FRMD4A: variants seen among roughly 807,000 people sequenced by gnomAD.
FRMD4A encodes FERM domain containing 4A.
FRMD4A carries 29 observed loss-of-function variants against 129.1 expected under a neutral mutation model. The observed-to-expected ratio is 0.22, with a 90% CI of 0.17 to 0.31. The LOEUF (loss-of-function observed/expected upper bound fraction) is 0.31. FRMD4A is among the 10% of genes least tolerant of loss of function. The pLI is 1.00. For synonymous variants in FRMD4A, 634 were observed against 571.6 expected, an observed-to-expected ratio of 1.11 and a Z score of -1.56; for missense variants, 1,272 against 1,375.8, an observed-to-expected ratio of 0.92 and a Z score of 1.19.
intron 2 of FRMD4A, among the ~76,000 whole-genome samples, chr10:14,138,650 C>T (rs1839670238): frequency 6.6e-6 from 1 of 152,008 alleles, no homozygotes; most frequent in African/African-American, 2.4e-5. Flanking sequence ...ATCCCAGCTA[C>T]TCAGGAGGCT....
At chr10:14,162,070 T>G (rs1213362445) in intron 2 of FRMD4A, among the ~76,000 whole-genome samples, 1 of 151,514 alleles carries the variant, frequency 6.6e-6, no homozygotes, top group Non-Finnish European at 1.5e-5. Flanking sequence ...TATATTTTCA[T>G]GTCATCATGT....
chr10:14,151,216 T>A (rs754169481), intron 2 of FRMD4A, among the ~76,000 whole-genome samples: 3 of 152,216 alleles, frequency 2.0e-5, no homozygotes, highest in Non-Finnish European at 2.9e-5. Flanking sequence ...CACTCATATG[T>A]TCATCGCAAC....
intron 12 of FRMD4A, among the ~76,000 whole-genome samples, chr10:13,732,771 C>T (rs1251713466): frequency 6.6e-6 from 1 of 152,218 alleles, no homozygotes; most frequent in Non-Finnish European, 1.5e-5. Flanking sequence ...TCCCAGATGG[C>T]TCACCCAGCC....
chr10:14,231,946 T>C (rs891007537), intron 2 of FRMD4A, among the ~76,000 whole-genome samples: 7 of 152,232 alleles, frequency 4.6e-5, no homozygotes, highest in Non-Finnish European at 8.8e-5. Flanking sequence ...CAGGTCCCAC[T>C]TGTCAATTTT....
At chr10:13,692,449 T>C (rs997510847) in intron 15 of FRMD4A, 26 of 152,188 alleles carry the variant, frequency 1.7e-4, no homozygotes, top group African/African-American at 5.3e-4. Flanking sequence ...CACTGGCCTT[T>C]AGCGGTTCTA....
chr10:13,904,515 C>T (rs2094858382), intron 2 of FRMD4A, among the ~76,000 whole-genome samples: 1 of 152,228 alleles, frequency 6.6e-6, no homozygotes, highest in Non-Finnish European at 1.5e-5. Flanking sequence ...GTCAAGAATT[C>T]TTCAAAGACA....
intron 3 of FRMD4A, among the ~76,000 whole-genome samples, chr10:13,838,030 C>T (rs937341023): frequency 6.6e-6 from 1 of 152,162 alleles, no homozygotes; most frequent in South Asian, 2.1e-4. Flanking sequence ...CTTTTCTTCT[C>T]TAATCATCTC....
intron 2 of FRMD4A, among the ~76,000 whole-genome samples, chr10:14,015,772 T>C (rs61096466): frequency 0.022 from 3,362 of 152,344 alleles, 123 homozygotes; most frequent in African/African-American, 0.077. Context: ...AAGGCAATTC[T>C]CTTATACGGC....
intron 2 of FRMD4A, among the ~76,000 whole-genome samples, chr10:14,018,248 C>A (rs376584790): frequency 6.6e-6 from 1 of 151,206 alleles, no homozygotes; most frequent in African/African-American, 2.4e-5. Context: ...AGATCATAGA[C>A]CATCCTGGCT....
intron 2 of FRMD4A, among the ~76,000 whole-genome samples, chr10:14,295,721 G>A (rs980448892): frequency 1.3e-5 from 2 of 152,196 alleles, no homozygotes; most frequent in African/African-American, 2.4e-5. Context: ...GAGTTTGGGA[G>A]AGGGGGAGTT....
intron 5 of FRMD4A, among the ~76,000 whole-genome samples, chr10:13,786,770 G>T (rs1326783300): frequency 2.0e-5 from 3 of 152,178 alleles, no homozygotes; most frequent in African/African-American, 7.2e-5. Flanking sequence ...AATATTAACA[G>T]AAGCCTCCTG....
At chr10:13,682,250 C>T (rs2084663518) in intron 15 of FRMD4A, among the ~76,000 whole-genome samples, 1 of 152,018 alleles carries the variant, frequency 6.6e-6, no homozygotes, top group Admixed American at 6.6e-5. Flanking sequence ...CTATTCCTAG[C>T]CTTTACTAGG....
chr10:14,050,253 G>A (rs925596299), intron 2 of FRMD4A, among the ~76,000 whole-genome samples: 4 of 152,162 alleles, frequency 2.6e-5, no homozygotes, highest in Non-Finnish European at 4.4e-5. Context: ...GTTTCCCTGT[G>A]CCAGGTGCTG....
At chr10:13,884,144 T>TCACCCACACACACTCACACACACA (rs773933481) in intron 2 of FRMD4A, among the ~76,000 whole-genome samples, 59 of 105,164 alleles carry the variant, frequency 5.6e-4, no homozygotes, top group African/African-American at 1.9e-3. Context: ...TCACACACAC[T>TCACCCACACACACTCACACACACA]CTCACACACT....
At chr10:13,939,480 C>T (rs11258738) in intron 2 of FRMD4A, among the ~76,000 whole-genome samples, 14,571 of 152,242 alleles carry the variant, frequency 0.096, 769 homozygotes, top group Middle Eastern at 0.18. Flanking sequence ...GTAATATAAA[C>T]TTCTGATTGG....
At chr10:14,040,620 A>G (rs1301712404) in intron 2 of FRMD4A, among the ~76,000 whole-genome samples, 3 of 152,210 alleles carry the variant, frequency 2.0e-5, no homozygotes, top group African/African-American at 7.2e-5. Context: ...TGTTTGCTGA[A>G]GGCCATGCAT....
intron 6 of FRMD4A, among the ~76,000 whole-genome samples, chr10:13,774,831 A>C (rs1021304129): frequency 6.6e-6 from 1 of 152,152 alleles, no homozygotes; most frequent in Non-Finnish European, 1.5e-5. Flanking sequence ...GGAAGGAAAC[A>C]TAGAATAATA....
At chr10:14,290,777 A>G (rs190149039) in intron 2 of FRMD4A, among the ~76,000 whole-genome samples, 1 of 152,158 alleles carries the variant, frequency 6.6e-6, no homozygotes, top group East Asian at 1.9e-4. Flanking sequence ...AGGATACTCA[A>G]ACACTTTTAA....
chr10:13,760,595 G>A (rs1353453836), intron 8 of FRMD4A, among the ~76,000 whole-genome samples: 1 of 152,128 alleles, frequency 6.6e-6, no homozygotes, highest in Non-Finnish European at 1.5e-5. Flanking sequence ...GAAAGCAGTT[G>A]AGACCTGAAA....
Sources: allele counts gnomAD v4.1 joint callset (sites outside exome capture counted in the v4.1 genomes callset), GRCh38; gene constraint gnomAD v4.1.1; transcripts MANE v1.5; gene names NCBI Gene and HGNC (gene_info 2026-07-23, HGNC 2026-07-21).